BLACAT1: variants seen among roughly 807,000 people sequenced by gnomAD.
BLACAT1 encodes BLACAT1 overlapping LEMD1 locus, also known as bladder cancer associated transcript 1.
In BLACAT1 at chr1:205,450,499, T is replaced by C. The variant is rs534084223; in HGVS notation, c.-37+5418A>G. Among the ~76,000 whole-genome samples, 40 of 143,426 alleles carry C rather than the reference T, an allele frequency of 2.8e-4. 1 individual carries two copies. In the South Asian group the frequency reaches 8.6e-3, roughly 31 times the overall value. The allele number at this position is 143,426 out of a possible 152,430, so 94.1% of individuals were successfully genotyped here. A position where few individuals can be genotyped will look rare whatever the true frequency, so the allele number is the denominator to read the frequency against. On this transcript the variant is annotated intron_variant, in intron 1 of 1. Transcript: ENST00000629624. The surrounding 1 kb of genome is among the most constrained non-coding windows in gnomAD (Gnocchi z 4.4). ...TGGTTCCTCTCCTCACCCATACCCC[T>C]ATTCTGCTCCCACCACTCCCCTGCC...
chr1:205,454,804 A>C (rs778878877), intron 1 of BLACAT1, among the ~76,000 whole-genome samples: 1 of 152,102 alleles, frequency 6.6e-6, no homozygotes, highest in African/African-American at 2.4e-5. Flanking sequence ...TTTTCCTCCA[A>C]AGTTAGCCCT....
exon 2 of BLACAT1, chr1:205,440,987 C>T (rs996585364): frequency 6.6e-6 from 1 of 152,416 alleles, no homozygotes; most frequent in Admixed American, 6.5e-5. Context: ...TTGCAGAAGC[C>T]GTGGAGACCA....
chr1:205,447,347 T>G (rs1282758537), intron 1 of BLACAT1, among the ~76,000 whole-genome samples: 1 of 152,180 alleles, frequency 6.6e-6, no homozygotes, highest in East Asian at 1.9e-4. Context: ...AGGTACCCAG[T>G]AAGTGTTGGT....
chr1:205,444,690 C>T (rs1666352907), intron 1 of BLACAT1, among the ~76,000 whole-genome samples: 2 of 152,140 alleles, frequency 1.3e-5, no homozygotes, highest in South Asian at 4.1e-4. Flanking sequence ...CTAGGTGTCT[C>T]GAATTTTGGC....
In BLACAT1 at chr1:205,448,745, C is replaced by A. The variant is rs114517101; in HGVS notation, c.-37+7172G>T. ...CTACCCCTTCCCTAGAGAATAAGGCCGGATCTTTTCAAGGCTGCTGCTGCC... is the reference window on the plus strand; with the variant it reads ...CTACCCCTTCCCTAGAGAATAAGGCAGGATCTTTTCAAGGCTGCTGCTGCC... On this transcript the variant is annotated intron_variant, in intron 1 of 1. Coordinates refer to ENST00000629624, the Ensembl canonical transcript of BLACAT1. This position sits in a 1 kb window ranked among gnomAD's most constrained non-coding sequence, Gnocchi z 4.7. Among the ~76,000 whole-genome samples the A allele has an allele frequency of 1.3e-5, 2 of 152,092 alleles. No individual in the cohort carries two copies. The highest frequency in any genetic ancestry group is 4.8e-5 in the African/African-American group (2 of 41,418).
chr1:205,442,624 C>A (rs891449199), intron 1 of BLACAT1, among the ~76,000 whole-genome samples: 1 of 152,174 alleles, frequency 6.6e-6, no homozygotes, highest in South Asian at 2.1e-4. Context: ...TTTCCACTGG[C>A]CAGCTGGATG....
At chr1:205,445,657 G>C (rs1666375989) in intron 1 of BLACAT1, among the ~76,000 whole-genome samples, 1 of 152,206 alleles carries the variant, frequency 6.6e-6, no homozygotes, top group Non-Finnish European at 1.5e-5. Flanking sequence ...GGGAGCTGGA[G>C]AGGTCAGAGC....
intron 1 of BLACAT1, among the ~76,000 whole-genome samples, chr1:205,452,036 C>A (rs1666505206): frequency 2.0e-5 from 3 of 152,090 alleles, no homozygotes; most frequent in Non-Finnish European, 4.4e-5. Context: ...GATGAGGGGG[C>A]CTGGGGCAAG....
At chr1:205,436,884 A>G (rs1408162959), downstream of BLACAT1, 1 of 152,308 alleles carries the variant, frequency 6.6e-6, no homozygotes, top group African/African-American at 2.4e-5. Context: ...ACATCTGGGC[A>G]CATCTGATAA....
chr1:205,438,244 C>T (rs1440058030), downstream of BLACAT1, among the ~76,000 whole-genome samples: 2 of 152,198 alleles, frequency 1.3e-5, no homozygotes, highest in South Asian at 2.1e-4. Context: ...ATCAGTGCCA[C>T]GCAGCAAGAA....
chr1:205,446,002 A>G (rs1666382401), intron 1 of BLACAT1, among the ~76,000 whole-genome samples: 1 of 152,198 alleles, frequency 6.6e-6, no homozygotes, highest in African/African-American at 2.4e-5. Context: ...CCACTCTCGC[A>G]AGGGAGGCCT....
intron 1 of BLACAT1, among the ~76,000 whole-genome samples, chr1:205,453,948 C>T (rs1304395991): frequency 2.0e-5 from 3 of 152,220 alleles, no homozygotes; most frequent in African/African-American, 4.8e-5. Context: ...AAGCACTATT[C>T]CTGCCCCCAC....
intron 1 of BLACAT1, among the ~76,000 whole-genome samples, chr1:205,445,904 G>C (rs1666381189): frequency 2.0e-5 from 3 of 152,142 alleles, no homozygotes; most frequent in Non-Finnish European, 4.4e-5. Context: ...GAAGGAGTAG[G>C]GCTTAGTAGT....
intron 1 of BLACAT1, among the ~76,000 whole-genome samples, chr1:205,453,031 T>C (rs1022007738): frequency 2.0e-5 from 3 of 151,740 alleles, no homozygotes; most frequent in Admixed American, 1.3e-4. Context: ...CTGGAACAGG[T>C]TATGGGGTGT....
chr1:205,450,082 CTCCCCCAGCCCT>C lies in BLACAT1; in HGVS notation c.-37+5823_-37+5834del, dbSNP rs1238591563. Among the ~76,000 whole-genome samples, 1 of 152,034 alleles carries C rather than the reference CTCCCCCAGCCCT, an allele frequency of 6.6e-6. No individual in the cohort carries two copies. The highest frequency in any genetic ancestry group is 1.5e-5 in the Non-Finnish European group (1 of 67,978). The stretch of plus-strand genomic sequence containing the variant: ...AACTTGACTCACTTGTGACCGGCCC[CTCCCCCAGCCCT>C]GAGGACGGTGGGGGTGGGGGTGGGG... On this transcript the variant is annotated intron_variant, in intron 1 of 1. Coordinates refer to ENST00000629624, the Ensembl canonical transcript of BLACAT1. The surrounding 1 kb of genome is among the most constrained non-coding windows in gnomAD (Gnocchi z 4.4).
At position 205,452,088 on chromosome 1, in the gene BLACAT1, T is replaced by A. The variant is rs1666505818; in HGVS notation, c.-37+3829A>T. On this transcript the variant is annotated intron_variant, in intron 1 of 1. Transcript: ENST00000629624. ...GGGGAGAAGAGACCTCAGGTGTCCC[T>A]GGCCTGATTGGCTGGTGGGTGTGCC... Among the ~76,000 whole-genome samples, 4 of 152,194 alleles carry A rather than the reference T, an allele frequency of 2.6e-5. No individual in the cohort carries two copies. The South Asian group carries it at 8.3e-4, about 31-fold the overall frequency.
At chr1:205,435,280 C>G (rs1666188379), downstream of BLACAT1, 1 of 152,230 alleles carries the variant, frequency 6.6e-6, no homozygotes, top group African/African-American at 2.4e-5. Context: ...ACCATTGACT[C>G]TCAGGGGTCT....
chr1:205,443,925 CCT>C (rs1666339419), intron 1 of BLACAT1, among the ~76,000 whole-genome samples: 1 of 152,196 alleles, frequency 6.6e-6, no homozygotes, highest in Non-Finnish European at 1.5e-5. Context: ...GGTCTCTGCT[CCT>C]CTCTGCTTTG....
intron 1 of BLACAT1, among the ~76,000 whole-genome samples, chr1:205,453,179 G>A (rs976856276): frequency 1.8e-4 from 27 of 152,204 alleles, no homozygotes; most frequent in Non-Finnish European, 4.4e-5. Flanking sequence ...TTGTGGTTGA[G>A]ACGGATCTGT....
Sources: allele counts gnomAD v4.1 joint callset (sites outside exome capture counted in the v4.1 genomes callset), GRCh38; gene constraint gnomAD v4.1.1; non-coding constraint Gnocchi (gnomAD v3.1); transcripts MANE v1.5; gene names NCBI Gene and HGNC (gene_info 2026-07-23, HGNC 2026-07-21).